The following GPC5 variants were observed in gnomAD, a reference collection of about 807,000 sequenced individuals.
GPC5 encodes glypican 5.
Under a neutral mutation model 53.9 loss-of-function variants are expected in GPC5, and 47 were observed. That is an observed-to-expected ratio of 0.87 (90% CI 0.69 to 1.11). The LOEUF is 1.11. GPC5 is among the 50% of genes most tolerant of loss of function. The pLI is 0.00. For synonymous variants in GPC5, 286 were observed against 263.3 expected (o/e 1.09, Z -0.84); for missense variants, 748 against 713.1 (o/e 1.05, Z -0.56).
At chr13:91,642,580 A>C (rs2182544) in intron 2 of GPC5, among the ~76,000 whole-genome samples, 132,779 of 152,050 alleles carry the variant, frequency 0.87, 58,155 homozygotes, top group East Asian at 0.99. Context: ...CCAAAACTTC[A>C]AAGGAATTTG....
rs149494212 is a variant in GPC5, at chr13:92,584,493, G to A, written c.1562-281789G>A. Among the ~76,000 whole-genome samples, 221 of 152,252 alleles carry A rather than the reference G, an allele frequency of 1.5e-3. 3 individuals carry two copies. The East Asian group carries it at 0.036, about 25-fold the overall frequency. On this transcript the variant is annotated intron_variant, in intron 7 of 7. Transcript: ENST00000377067. Reference sequence around the variant, plus strand: ...CAGCAAAGCATTCAAGAGGTGACTTGGGTGCTGTTAAAGGCACTCAGTTTT... The same window carrying A: ...CAGCAAAGCATTCAAGAGGTGACTTAGGTGCTGTTAAAGGCACTCAGTTTT...
intron 6 of GPC5, among the ~76,000 whole-genome samples, chr13:91,970,525 A>T (rs956043399): frequency 2.6e-5 from 4 of 152,148 alleles, no homozygotes; most frequent in African/African-American, 9.7e-5. Context: ...TTCACAGTAT[A>T]TACATCTATA....
chr13:91,577,354 A>G (rs1345718135), intron 2 of GPC5, among the ~76,000 whole-genome samples: 1 of 152,122 alleles, frequency 6.6e-6, no homozygotes, highest in Non-Finnish European at 1.5e-5. Context: ...CAGTGGGGAG[A>G]GCTATTTGAA....
chr13:92,396,356 A>G (rs750900672), intron 7 of GPC5, among the ~76,000 whole-genome samples: 3 of 152,008 alleles, frequency 2.0e-5, no homozygotes, highest in Admixed American at 2.0e-4. Flanking sequence ...CTCTTTTCTT[A>G]CATTACTCAT....
intron 6 of GPC5, among the ~76,000 whole-genome samples, chr13:91,929,609 A>G (rs1407662624): frequency 1.3e-5 from 2 of 151,678 alleles, no homozygotes; most frequent in African/African-American, 4.8e-5. Context: ...TTTTCACTTG[A>G]TTTAATTTCA....
intron 6 of GPC5, among the ~76,000 whole-genome samples, chr13:91,953,547 A>T (rs1175367120): frequency 1.3e-5 from 2 of 152,238 alleles, no homozygotes; most frequent in Admixed American, 6.5e-5. Flanking sequence ...GAATAAAAAA[A>T]GGGTACATTG....
intron 6 of GPC5, among the ~76,000 whole-genome samples, chr13:92,108,374 T>C (rs1566438519): frequency 6.6e-6 from 1 of 152,190 alleles, no homozygotes; most frequent in Non-Finnish European, 1.5e-5. Flanking sequence ...AAGTAATGCA[T>C]TATTATCTTT....
intron 1 of GPC5, among the ~76,000 whole-genome samples, chr13:91,432,219 G>A (rs1318211653): frequency 2.2e-5 from 3 of 134,910 alleles, no homozygotes; most frequent in South Asian, 4.6e-4. Context: ...GTGTGTGTGT[G>A]TGTGTGTGTG....
At chr13:92,785,019 G>T (rs1876165391) in intron 7 of GPC5, among the ~76,000 whole-genome samples, 1 of 152,182 alleles carries the variant, frequency 6.6e-6, no homozygotes, top group South Asian at 2.1e-4. Context: ...GCTCACGCCT[G>T]TAATCCCAGC....
intron 7 of GPC5, among the ~76,000 whole-genome samples, chr13:92,358,802 A>C (rs1351287225): frequency 3.3e-5 from 5 of 151,780 alleles, no homozygotes; most frequent in Non-Finnish European, 1.5e-5. Flanking sequence ...TGTTTAGGGC[A>C]GCGGGGCCCT....
chr13:91,728,711 A>C (rs111696558), intron 4 of GPC5, 46 bp downstream of exon 4: 8 of 1,583,272 alleles, frequency 5.1e-6, no homozygotes, highest in African/African-American at 2.7e-5. Context: ...AAAGTAAGCC[A>C]TTAATTTTAC....
In GPC5 at chr13:92,164,227, A is replaced by G. The variant is rs1353897669; in HGVS notation, c.1561+19238A>G. Among the ~76,000 whole-genome samples, 3 of 152,092 alleles carry G rather than the reference A, an allele frequency of 2.0e-5. No individual in the cohort carries two copies. In the East Asian group the frequency reaches 5.8e-4, roughly 29 times the overall value. ...AGCATGCCTTTCCAGCAGTCCCCCA[A>G]CATCTTAGCTCACTCCAGCATTAAC... is the stretch of plus-strand genomic sequence containing the variant. On this transcript the variant is annotated intron_variant, in intron 7 of 7. Coordinates refer to ENST00000377067, the MANE Select transcript of GPC5 (RefSeq NM_004466.6).
In GPC5 at chr13:92,323,198, A is replaced by C. The variant is rs188264391; in HGVS notation, c.1561+178209A>C. Among the ~76,000 whole-genome samples the C allele has an allele frequency of 1.7e-4, 25 of 151,476 alleles. No homozygotes were observed. The East Asian group carries it at 4.8e-3, about 29-fold the overall frequency. On this transcript the variant is annotated intron_variant, in intron 7 of 7. Transcript: ENST00000377067. ...ATTAATTACTATTTCTGGGCATACAAATGAGGTACTTAGTATTTTCGGTAC... is the reference window on the plus strand; with the variant it reads ...ATTAATTACTATTTCTGGGCATACACATGAGGTACTTAGTATTTTCGGTAC...
intron 7 of GPC5, chr13:92,340,001 A>T (rs994187345): frequency 6.7e-6 from 1 of 149,780 alleles, no homozygotes; most frequent in African/African-American, 2.5e-5. Context: ...TGAACAAAAA[A>T]AACATATATA....
chr13:91,554,526 T>G lies in GPC5; in HGVS notation c.325+105604T>G, dbSNP rs532416243. ...TGTGATGGATCTGCTAATTAAAGAT[T>G]GAAAGTTTACTCCCTAAGGTAGGAC... On this transcript the variant is annotated intron_variant, in intron 2 of 7. Transcript: ENST00000377067. Among the ~76,000 whole-genome samples, 238 of 152,202 alleles carry G rather than the reference T, an allele frequency of 1.6e-3. 1 individual carries two copies. The highest frequency in any genetic ancestry group is 5.4e-3 in the African/African-American group (224 of 41,552).
intron 6 of GPC5, among the ~76,000 whole-genome samples, chr13:92,080,092 C>G (rs1447892287): frequency 6.6e-6 from 1 of 152,220 alleles, no homozygotes. Flanking sequence ...AGGCTATTAA[C>G]TAAACCTCTT....
At chr13:91,688,896 G>C (rs1044766012) in intron 2 of GPC5, among the ~76,000 whole-genome samples, 2 of 151,804 alleles carry the variant, frequency 1.3e-5, no homozygotes, top group Non-Finnish European at 2.9e-5. Flanking sequence ...GGTATAGACT[G>C]AGCCTGTAAT....
intron 7 of GPC5, among the ~76,000 whole-genome samples, chr13:92,481,931 T>G (rs1221760585): frequency 6.6e-6 from 1 of 151,854 alleles, no homozygotes; most frequent in East Asian, 1.9e-4. Context: ...GAGTTTGAGA[T>G]CAGCCTGGCC....
chr13:92,351,763 A>G (rs1217500186), intron 7 of GPC5, among the ~76,000 whole-genome samples: 2 of 152,182 alleles, frequency 1.3e-5, no homozygotes, highest in African/African-American at 4.8e-5. Flanking sequence ...TTAAAATTGT[A>G]TGAGAGAATA....
Sources: allele counts gnomAD v4.1 joint callset (sites outside exome capture counted in the v4.1 genomes callset), GRCh38; gene constraint gnomAD v4.1.1; transcripts MANE v1.5; gene names NCBI Gene and HGNC (gene_info 2026-07-23, HGNC 2026-07-21).